MYO1E: variants seen among roughly 807,000 people sequenced by gnomAD.
The protein encoded by MYO1E is myosin IE, also known as unconventional myosin-Ie.
MYO1E carries 68 observed loss-of-function variants against 151.1 expected under a neutral mutation model. That is an observed-to-expected ratio of 0.45 (90% CI 0.37 to 0.55). The LOEUF (loss-of-function observed/expected upper bound fraction) is 0.55, where lower values mean the gene tolerates loss of function less well. Ranked by LOEUF, MYO1E falls within the 20% of genes least tolerant of loss-of-function variation. The probability of loss-of-function intolerance (pLI) is 0.00; values close to 1 mark genes in which losing one functional copy is unlikely to be tolerated. For missense variants in MYO1E, 1,363 were observed against 1,389.3 expected, an observed-to-expected ratio of 0.98 and a Z score of 0.30; for synonymous variants, 601 against 501.7, an observed-to-expected ratio of 1.20 and a Z score of -2.64.
At chr15:59,300,144 C>T (rs1269975996) in intron 1 of MYO1E, among the ~76,000 whole-genome samples, 1 of 152,150 alleles carries the variant, frequency 6.6e-6, no homozygotes, top group Non-Finnish European at 1.5e-5. Flanking sequence ...TCCTAAGAGC[C>T]TGGGCTTTGG....
chr15:59,188,874 A>T (rs936367723), intron 17 of MYO1E, among the ~76,000 whole-genome samples: 4 of 152,200 alleles, frequency 2.6e-5, no homozygotes, highest in Non-Finnish European at 4.4e-5. Flanking sequence ...TTTTGAATTA[A>T]ATGATGCTAA....
At chr15:59,297,634 T>C (rs1396979380) in intron 1 of MYO1E, among the ~76,000 whole-genome samples, 1 of 151,622 alleles carries the variant, frequency 6.6e-6, no homozygotes, top group Non-Finnish European at 1.5e-5. Flanking sequence ...TGGGCTGGAG[T>C]ACAGTGGTGC....
At chr15:59,168,655 A>T (rs1254395200) in intron 22 of MYO1E, among the ~76,000 whole-genome samples, 1 of 152,052 alleles carries the variant, frequency 6.6e-6, no homozygotes, top group Non-Finnish European at 1.5e-5. Context: ...CCACTTTAAA[A>T]TAACTACCAG....
intron 26 of MYO1E, among the ~76,000 whole-genome samples, chr15:59,147,148 G>T (rs190748626): frequency 2.0e-5 from 3 of 152,010 alleles, no homozygotes; most frequent in Admixed American, 2.0e-4. Flanking sequence ...GATGGCTGCC[G>T]AATCTCACAA....
intron 1 of MYO1E, among the ~76,000 whole-genome samples, chr15:59,287,547 T>A (rs566714066): frequency 1.7e-4 from 26 of 152,322 alleles, no homozygotes; most frequent in Admixed American, 1.5e-3. Flanking sequence ...TTTGATCAGC[T>A]TAGATCTTTA....
intron 1 of MYO1E, among the ~76,000 whole-genome samples, chr15:59,278,723 T>G (rs1245620520): frequency 2.6e-5 from 4 of 152,152 alleles, no homozygotes; most frequent in Non-Finnish European, 4.4e-5. Context: ...CCTGAAACAG[T>G]GCATGGGGGA....
intron 1 of MYO1E, among the ~76,000 whole-genome samples, chr15:59,304,036 G>A (rs1364262703): frequency 3.4e-5 from 5 of 148,390 alleles, no homozygotes; most frequent in African/African-American, 1.3e-4. Context: ...AGGCTGGAGT[G>A]CAACGGCGCA....
intron 1 of MYO1E, among the ~76,000 whole-genome samples, chr15:59,323,806 C>T (rs1376030237): frequency 6.6e-6 from 1 of 151,988 alleles, no homozygotes; most frequent in East Asian, 1.9e-4. Flanking sequence ...AGGCTTGGGA[C>T]AAAGGGTGCA....
chr15:59,358,436 G>C (rs2080866968), intron 1 of MYO1E, among the ~76,000 whole-genome samples: 1 of 152,094 alleles, frequency 6.6e-6, no homozygotes, highest in Admixed American at 6.5e-5. Context: ...AGGCCTTGTG[G>C]GGAAAGAAAA....
chr15:59,193,943 G>A (rs1290950843), intron 17 of MYO1E, among the ~76,000 whole-genome samples: 3 of 152,282 alleles, frequency 2.0e-5, no homozygotes, highest in South Asian at 2.1e-4. Context: ...TTGGGAGGCC[G>A]AGGCAGTTGG....
chr15:59,144,626 T>A (rs1726963032), intron 26 of MYO1E, among the ~76,000 whole-genome samples: 1 of 152,082 alleles, frequency 6.6e-6, no homozygotes, highest in Non-Finnish European at 1.5e-5. Context: ...AGGAAAGTTT[T>A]ACAGAGAGCT....
intron 1 of MYO1E, among the ~76,000 whole-genome samples, chr15:59,311,496 A>G (rs1388537411): frequency 1.3e-5 from 2 of 151,924 alleles, no homozygotes. Context: ...GGGGTTGGGG[A>G]CCCCTGCTCT....
In MYO1E at chr15:59,138,381, G is replaced by C. The variant is rs374612819; in HGVS notation, c.3081-14C>G. The C allele has an allele frequency of 6.2e-7, 1 of 1,613,678 alleles. No individual in the cohort carries two copies. Among genetic ancestry groups the C allele is most frequent in the Non-Finnish European group, 8.5e-7 (1 of 1,179,868 alleles). The stretch of plus-strand genomic sequence containing the variant: ...TGTCTCCTGACCCTGTGGAGAGAGT[G>C]GAGCAGATGAGACTGGGCCCCAACA... On this transcript the variant is annotated splice_polypyrimidine_tract_variant and intron_variant, in intron 26 of 27. Transcript: ENST00000288235.
intron 1 of MYO1E, among the ~76,000 whole-genome samples, chr15:59,302,236 A>T (rs139322144): frequency 2.8e-4 from 42 of 152,350 alleles, no homozygotes; most frequent in African/African-American, 9.4e-4. Context: ...AGTAAGATTT[A>T]GGGACATGTC....
chr15:59,230,464 CAG>C (rs2140354275), intron 6 of MYO1E, among the ~76,000 whole-genome samples: 1 of 150,878 alleles, frequency 6.6e-6, no homozygotes, highest in East Asian at 1.9e-4. Context: ...GAATCCAAGA[CAG>C]GGGAAAAGGT....
chr15:59,229,654 T>C (rs2080013710), intron 6 of MYO1E, among the ~76,000 whole-genome samples: 1 of 152,140 alleles, frequency 6.6e-6, no homozygotes, highest in African/African-American at 2.4e-5. Context: ...TTAAATCGTG[T>C]TTGAAGTATT....
At chr15:59,213,047 A>G (rs2079889457) in intron 12 of MYO1E, among the ~76,000 whole-genome samples, 1 of 152,018 alleles carries the variant, frequency 6.6e-6, no homozygotes, top group Admixed American at 6.5e-5. Context: ...GTTTTAAGTC[A>G]CTCAGTTTGT....
intron 22 of MYO1E, among the ~76,000 whole-genome samples, chr15:59,166,967 C>T (rs1265765187): frequency 6.6e-6 from 1 of 152,200 alleles, no homozygotes; most frequent in Non-Finnish European, 1.5e-5. Flanking sequence ...CTTCCTGAGG[C>T]AGTGACTGTG....
At chr15:59,335,244 T>A (rs934802439) in intron 1 of MYO1E, among the ~76,000 whole-genome samples, 1 of 152,136 alleles carries the variant, frequency 6.6e-6, no homozygotes, top group Non-Finnish European at 1.5e-5. Flanking sequence ...AGAACAAGAT[T>A]TGGCACCACT....
Sources: allele counts gnomAD v4.1 joint callset (sites outside exome capture counted in the v4.1 genomes callset), GRCh38; gene constraint gnomAD v4.1.1; transcripts MANE v1.5; gene names NCBI Gene and HGNC (gene_info 2026-07-23, HGNC 2026-07-21).